Variants in FHIT observed in about 807,000 individuals in gnomAD.
FHIT encodes the protein bis(5'-adenosyl)-triphosphatase.
In FHIT, 19 loss-of-function variants were observed where a neutral mutation model predicts 17.9. The observed-to-expected ratio is 1.06, with a 90% CI of 0.74 to 1.56. The LOEUF is 1.56. FHIT is among the 40% of genes most tolerant of loss of function. The pLI, the probability that FHIT is intolerant of heterozygous loss-of-function variation, is 0.00. For missense variants in FHIT, 248 were observed against 189.2 expected (o/e 1.31, Z -1.82); for synonymous variants, 81 against 69.7 (o/e 1.16, Z -0.81).
intron 5 of FHIT, among the ~76,000 whole-genome samples, chr3:60,350,627 T>G (rs1711038023): frequency 6.6e-6 from 1 of 152,044 alleles, no homozygotes; most frequent in Non-Finnish European, 1.5e-5. Flanking sequence ...TCTCCCTCCT[T>G]CCTCCCTGTA....
intron 5 of FHIT, among the ~76,000 whole-genome samples, chr3:60,097,709 TTTTA>T (rs942302491): frequency 6.6e-6 from 1 of 152,036 alleles, no homozygotes; most frequent in Non-Finnish European, 1.5e-5. Context: ...TTTTTCTTTT[TTTTA>T]AAATTTTATT....
At chr3:61,124,732 C>T (rs1197166593) in intron 2 of FHIT, among the ~76,000 whole-genome samples, 1 of 152,104 alleles carries the variant, frequency 6.6e-6, no homozygotes, top group Non-Finnish European at 1.5e-5. Flanking sequence ...CTTTTAAGTA[C>T]TAGAAATGGA....
At chr3:60,077,806 G>A (rs1703098797) in intron 5 of FHIT, among the ~76,000 whole-genome samples, 1 of 150,340 alleles carries the variant, frequency 6.7e-6, no homozygotes, top group African/African-American at 2.5e-5. Context: ...ACAATATGAT[G>A]ACTACAGTCA....
rs1043901005 is a variant in FHIT at position 59,749,232 on chromosome 3, T to C, written c.*353A>G. On this transcript the variant is annotated 3_prime_UTR_variant, in exon 10 of 10. Transcript: ENST00000492590. ...CAGGTGGACCAATCCAACGATTGAATTTCCTTTAAAAAAGTAACTGTAACT... is the reference window on the plus strand; with the variant it reads ...CAGGTGGACCAATCCAACGATTGAACTTCCTTTAAAAAAGTAACTGTAACT... 1 of 230,588 alleles carries C rather than the reference T, an allele frequency of 4.3e-6. No individual in the cohort carries two copies. Among genetic ancestry groups the C allele is most frequent in the African/African-American group, 2.2e-5 (1 of 45,170 alleles). 14.3% of individuals were successfully genotyped at this position (230,588 alleles called of 1,614,324 possible).
intron 5 of FHIT, among the ~76,000 whole-genome samples, chr3:60,289,875 G>T (rs1243185090): frequency 6.6e-6 from 1 of 152,152 alleles, no homozygotes; most frequent in African/African-American, 2.4e-5. Context: ...TGGCTTCAAA[G>T]AACTGCCATT....
intron 2 of FHIT, among the ~76,000 whole-genome samples, chr3:61,088,356 A>C (rs1053983541): frequency 3.3e-5 from 5 of 152,222 alleles, no homozygotes; most frequent in African/African-American, 1.2e-4. Flanking sequence ...ATGCACCATT[A>C]GCTGCTTGGG....
chr3:60,698,432 G>A (rs2041163720), intron 4 of FHIT, among the ~76,000 whole-genome samples: 1 of 152,068 alleles, frequency 6.6e-6, no homozygotes, highest in Non-Finnish European at 1.5e-5. Context: ...AAGTGTTTGA[G>A]AACAAGCTAC....
chr3:60,860,892 TATAC>T (rs1703763341), intron 3 of FHIT, among the ~76,000 whole-genome samples: 5 of 101,392 alleles, frequency 4.9e-5, no homozygotes, highest in African/African-American at 1.9e-4. Flanking sequence ...TATGAACATA[TATAC>T]GTATATATCA....
At chr3:60,287,499 G>A (rs1005389510) in intron 5 of FHIT, among the ~76,000 whole-genome samples, 2 of 152,196 alleles carry the variant, frequency 1.3e-5, no homozygotes, top group African/African-American at 4.8e-5. Flanking sequence ...ACATTAGACT[G>A]CTGAGAGTAC....
In FHIT at chr3:60,347,579, CT is replaced by C. The variant is rs1208732471; in HGVS notation, c.103+189280del. 2.8e-5 allele frequency among the ~76,000 whole-genome samples: 4 copies of C among 141,422 alleles called. No individual in the cohort carries two copies. In the Admixed American group the frequency reaches 3.2e-4, roughly 11 times the overall value. The allele number at this position is 141,422 out of a possible 152,430, so 92.8% of individuals were successfully genotyped here. A position where few individuals can be genotyped will look rare whatever the true frequency, so the allele number is the denominator to read the frequency against. On this transcript the variant is annotated intron_variant, in intron 5 of 9. Coordinates refer to ENST00000492590, the MANE Select transcript of FHIT (RefSeq NM_002012.4). ...CGCCTGTAGGTACAGGAAAATGTGT[CT>C]TAAGAAGGAAAATTCATTCTACAGC... is the stretch of plus-strand genomic sequence containing the variant.
chr3:60,541,180 C>G (rs1445383770), intron 4 of FHIT, among the ~76,000 whole-genome samples: 1 of 152,236 alleles, frequency 6.6e-6, no homozygotes, highest in African/African-American at 2.4e-5. Context: ...CCTCCTAAGA[C>G]AGTCAACTCT....
chr3:60,551,160 G>A (rs1374422932), intron 4 of FHIT, among the ~76,000 whole-genome samples: 2 of 151,948 alleles, frequency 1.3e-5, no homozygotes, highest in African/African-American at 4.8e-5. Flanking sequence ...CCTAACAGCA[G>A]GCAGCAAGGC....
intron 4 of FHIT, among the ~76,000 whole-genome samples, chr3:60,602,384 G>C (rs895212524): frequency 5.3e-5 from 8 of 152,246 alleles, no homozygotes; most frequent in Admixed American, 2.0e-4. Flanking sequence ...CTAAACTTCA[G>C]AGAAAAAGAA....
intron 3 of FHIT, among the ~76,000 whole-genome samples, chr3:61,035,933 A>G (rs1372740018): frequency 6.6e-6 from 1 of 152,200 alleles, no homozygotes; most frequent in Admixed American, 6.5e-5. Flanking sequence ...TCTGATGTGA[A>G]AGGGCAAATC....
intron 8 of FHIT, among the ~76,000 whole-genome samples, chr3:59,904,614 G>A (rs906313810): frequency 4.6e-5 from 7 of 152,140 alleles, no homozygotes; most frequent in Non-Finnish European, 1.0e-4. Context: ...ATGCTGGTGT[G>A]CTCCAGCTTC....
At chr3:60,704,592 C>T (rs1301149995) in intron 4 of FHIT, among the ~76,000 whole-genome samples, 1 of 152,132 alleles carries the variant, frequency 6.6e-6, no homozygotes, top group African/African-American at 2.4e-5. Context: ...CAAGACTTTG[C>T]TCCAGGCAGA....
At chr3:59,943,282 A>C (rs938808766) in intron 7 of FHIT, among the ~76,000 whole-genome samples, 1 of 151,922 alleles carries the variant, frequency 6.6e-6, no homozygotes, top group Non-Finnish European at 1.5e-5. Flanking sequence ...TGACAGAGTC[A>C]ATTTTTTTTT....
intron 4 of FHIT, among the ~76,000 whole-genome samples, chr3:60,588,712 G>A (rs1411041375): frequency 6.6e-6 from 1 of 151,964 alleles, no homozygotes; most frequent in Non-Finnish European, 1.5e-5. Context: ...GCGGTAGCAT[G>A]ATCATGGCTC....
intron 3 of FHIT, among the ~76,000 whole-genome samples, chr3:61,008,613 G>C (rs1369112295): frequency 1.3e-5 from 2 of 152,236 alleles, no homozygotes; most frequent in Non-Finnish European, 2.9e-5. Flanking sequence ...CACTTACTCT[G>C]TGATGTCAGT....
Sources: allele counts gnomAD v4.1 joint callset (sites outside exome capture counted in the v4.1 genomes callset), GRCh38; gene constraint gnomAD v4.1.1; transcripts MANE v1.5; gene names NCBI Gene and HGNC (gene_info 2026-07-23, HGNC 2026-07-21).